The following NPRL3 variants were observed in gnomAD, a reference collection of about 807,000 sequenced individuals.
The protein encoded by NPRL3 is NPR3 like, GATOR1 complex subunit, also known as GATOR1 complex protein NPRL3.
NPRL3 carries 23 observed loss-of-function variants against 57.2 expected under a neutral mutation model. That is an observed-to-expected ratio of 0.40 (90% confidence interval 0.29 to 0.57). The LOEUF (loss-of-function observed/expected upper bound fraction) is 0.57. NPRL3 is among the 20% of genes least tolerant of loss of function. The pLI, the probability that NPRL3 is intolerant of heterozygous loss-of-function variation, is 0.42. For missense variants in NPRL3, 691 were observed against 767.1 expected (o/e 0.90, Z 1.17); for synonymous variants, 333 against 321.1 (o/e 1.04, Z -0.39).
chr16:102,435 C>G (rs1899340734), intron 7 of NPRL3, among the ~76,000 whole-genome samples: 1 of 152,206 alleles, frequency 6.6e-6, no homozygotes, highest in Admixed American at 6.5e-5. Context: ...TTCCTTGTGT[C>G]CTGCACAGGG....
intron 2 of NPRL3, 77 bp from the exon 3 acceptor site, chr16:130,668 AC>A: frequency 7.2e-7 from 1 of 1,395,244 alleles, no homozygotes. Context: ...GGAACCGTTA[AC>A]AGCCATGTTT....
At position 130,558 on chromosome 16, in the gene NPRL3, G is replaced by C; in HGVS notation, c.152C>G (p.Thr51Arg). 6.4e-7 allele frequency: 1 copy of C among 1,555,322 alleles called. No homozygotes were observed. Among genetic ancestry groups the C allele is most frequent in the Non-Finnish European group, 8.7e-7 (1 of 1,149,112 alleles). Residue 51 changes from threonine (T) to arginine (R), a missense_variant, in exon 3 of 14, where the codon ACG (threonine) becomes AGG (arginine). Coordinates refer to ENST00000611875, the MANE Select transcript of NPRL3 (RefSeq NM_001077350.3). Reference sequence around the variant, plus strand: ...GTCCTGCTCATCAGCATGGTCGCCCGTGTTGCTGGCAGCGTATCTGCTACG... The same window carrying C: ...GTCCTGCTCATCAGCATGGTCGCCCCTGTTGCTGGCAGCGTATCTGCTACG... ...KPRSRYAASNTGDHADEQDGD... is the reference protein window; with the variant it reads ...KPRSRYAASNRGDHADEQDGD...
intron 6 of NPRL3, among the ~76,000 whole-genome samples, chr16:112,101 A>G (rs1042101021): frequency 6.6e-5 from 10 of 152,224 alleles, no homozygotes; most frequent in Admixed American, 5.9e-4. Flanking sequence ...CACCAGCTGG[A>G]TATTTCCAAC....
intron 13 of NPRL3, among the ~76,000 whole-genome samples, chr16:88,214 G>A (rs923177494): frequency 6.6e-6 from 1 of 152,188 alleles, no homozygotes; most frequent in Non-Finnish European, 1.5e-5. Flanking sequence ...CCATGAGGGT[G>A]AGAACTTGGC....
Position 112,617 on chromosome 16 carries a change from C to T in NPRL3, c.547+5G>A. 1 of 1,571,068 alleles carries T rather than the reference C, an allele frequency of 6.4e-7. No homozygotes were observed. Among genetic ancestry groups the T allele is most frequent in the South Asian group, 1.2e-5 (1 of 84,846 alleles). ...CCCATGCCCATCACGCCCTGCTGCA[C>T]TCACCATCAGCCATGGCGGACACCT... On this transcript the variant is annotated splice_donor_5th_base_variant and intron_variant, in intron 6 of 13. Coordinates refer to ENST00000611875, the MANE Select transcript of NPRL3 (RefSeq NM_001077350.3).
At chr16:87,613 C>T (rs1184857643) in intron 13 of NPRL3, among the ~76,000 whole-genome samples, 1 of 149,770 alleles carries the variant, frequency 6.7e-6, no homozygotes, top group Non-Finnish European at 1.5e-5. Context: ...GGGCTCACTG[C>T]AACTCCCGCC....
chr16:92,974 A>C (rs959431109), intron 10 of NPRL3: 9 of 618,416 alleles, frequency 1.5e-5, no homozygotes, highest in African/African-American at 1.8e-5. Context: ...GTGGATTAGA[A>C]GAGCCAGCCT....
chr16:113,472 C>T (rs1899904512), intron 5 of NPRL3, among the ~76,000 whole-genome samples: 1 of 152,200 alleles, frequency 6.6e-6, no homozygotes, highest in Non-Finnish European at 1.5e-5. Flanking sequence ...GTGCAGGAGG[C>T]TCTCAGGAAC....
rs1048069050 is a variant in NPRL3, at chr16:130,533, G to A, written c.177C>T (p.Asp59=). ...SNTGDHADEQ[D]GDSRFSDVIL... ...CGCAGAGCCTTTACCTGGAATCGCC[G>A]TCCTGCTCATCAGCATGGTCGCCCG... The change falls in exon 3 of 14, where the codon GAC becomes GAT. Residue 59 remains aspartate, a synonymous_variant. Transcript: ENST00000611875. The A allele has an allele frequency of 1.0e-5, 16 of 1,552,500 alleles. No individual in the cohort carries two copies. The highest frequency in any genetic ancestry group is 2.7e-5 in the African/African-American group (2 of 73,214).
intron 7 of NPRL3, among the ~76,000 whole-genome samples, chr16:105,982 T>A (rs1395064780): frequency 6.6e-6 from 1 of 152,184 alleles, no homozygotes; most frequent in Non-Finnish European, 1.5e-5. Flanking sequence ...GCCACCAGGC[T>A]ATTCAGCCAC....
intron 2 of NPRL3, among the ~76,000 whole-genome samples, chr16:132,953 G>A (rs1394930460): frequency 2.0e-5 from 3 of 152,122 alleles, no homozygotes; most frequent in Non-Finnish European, 2.9e-5. Context: ...ACAGGCGTGA[G>A]CCACCGCACC....
chr16:103,425 G>A (rs1282561155), intron 7 of NPRL3, among the ~76,000 whole-genome samples: 5 of 149,982 alleles, frequency 3.3e-5, no homozygotes, highest in African/African-American at 1.2e-4. Context: ...ACAGGCGTGA[G>A]CCACCGCACC....
chr16:121,575 G>A (rs1289379483), intron 3 of NPRL3, among the ~76,000 whole-genome samples: 4 of 151,222 alleles, frequency 2.6e-5, no homozygotes, highest in Admixed American at 6.6e-5. Context: ...AGCGGAGATC[G>A]TGCCACTGCA....
chr16:103,167 A>G (rs1314452227), intron 7 of NPRL3, among the ~76,000 whole-genome samples: 4 of 151,774 alleles, frequency 2.6e-5, no homozygotes, highest in Non-Finnish European at 5.9e-5. Context: ...TTTCTGAGAC[A>G]AGGTCTCACT....
chr16:117,984 G>A (rs1020202810), intron 4 of NPRL3, among the ~76,000 whole-genome samples: 4 of 151,244 alleles, frequency 2.6e-5, no homozygotes, highest in African/African-American at 9.8e-5. Flanking sequence ...CCCTACCCCT[G>A]ACTGCCACTC....
chr16:103,872 T>A (rs1266679420), intron 7 of NPRL3, among the ~76,000 whole-genome samples: 1 of 152,118 alleles, frequency 6.6e-6, no homozygotes, highest in Non-Finnish European at 1.5e-5. Flanking sequence ...CCCAGCACTT[T>A]GGGAGGCTGA....
At chr16:124,927 A>C (rs34291820) in intron 3 of NPRL3, 8,026 of 152,640 alleles carry the variant, frequency 0.053, 324 homozygotes, top group African/African-American at 0.11. Flanking sequence ...AAAAGAAAAA[A>C]TTAGCTCACC....
chr16:89,505 G>A lies in NPRL3; in HGVS notation c.1351+208C>T, dbSNP rs1392849375. On this transcript the variant is annotated intron_variant, in intron 12 of 13. Coordinates refer to ENST00000611875, the MANE Select transcript of NPRL3 (RefSeq NM_001077350.3). ...CCCTAATTCTAGCAAGCCTGCTGAA[G>A]AGCCCGGAGACAGAGCTGCCACCTC... The A allele has an allele frequency of 7.7e-6, 4 of 521,540 alleles. No homozygotes were observed. The African/African-American group carries it at 8.0e-5, about 10-fold the overall frequency. The allele number at this position is 521,540 out of a possible 1,614,324, so 32.3% of individuals were successfully genotyped here. A position where few individuals can be genotyped will look rare whatever the true frequency, so the allele number is the denominator to read the frequency against.
At chr16:117,433 G>A in intron 4 of NPRL3, 58 bp from the exon 5 acceptor site, 1 of 1,260,494 alleles carries the variant, frequency 7.9e-7, no homozygotes, top group East Asian at 2.4e-5. Flanking sequence ...AAGCTGTTTA[G>A]AGCTATTCTA....
Sources: allele counts gnomAD v4.1 joint callset (sites outside exome capture counted in the v4.1 genomes callset), GRCh38; gene constraint gnomAD v4.1.1; transcripts MANE v1.5; gene names NCBI Gene and HGNC (gene_info 2026-07-23, HGNC 2026-07-21).